Variants in SART3 observed in about 807,000 individuals in gnomAD.
The protein encoded by SART3 is HIV-1 Tat-interacting protein of 110kDa.
A neutral mutation model predicts 122.3 loss-of-function variants in SART3; 44 were observed. That is an observed-to-expected ratio of 0.36 (90% confidence interval 0.28 to 0.46). The LOEUF (loss-of-function observed/expected upper bound fraction) is 0.46, where lower values mean the gene tolerates loss of function less well. Ranked by LOEUF, SART3 falls within the 20% of genes least tolerant of loss-of-function variation. SART3 has a pLI of 1.00. For synonymous variants in SART3, 442 were observed against 454.0 expected, an observed-to-expected ratio of 0.97 and a Z score of 0.34; for missense variants, 1,101 against 1,229.0, an observed-to-expected ratio of 0.90 and a Z score of 1.56.
Position 108,560,914 on chromosome 12 carries a change from C to G in SART3, c.241G>C (p.Gly81Arg). 2 of 1,613,866 alleles carry G rather than the reference C, an allele frequency of 1.2e-6. No homozygotes were observed. The highest frequency in any genetic ancestry group is 2.2e-5 in the East Asian group (1 of 44,858). The change falls in exon 1 of 19, where the codon GGG becomes CGG. Residue 81 changes from glycine to arginine, a missense_variant. Gly to Arg is a moderately radical substitution (Grantham distance 125). Around this residue, in one of 2 missense-constraint regions of SART3, gnomAD observed 216 missense variants for 148.9 expected, o/e 1.45. Transcript: ENST00000546815. ...TCGTCATATTCCCACTCGTACTCCC[C>G]GGGGGAGCTCTCCGCGGAGGAAGCC... Reference protein sequence around the residue: ...AMASSAESSPGEYEWEYDEEE... With the variant: ...AMASSAESSPREYEWEYDEEE...
At chr12:108,530,383 G>C in intron 14 of SART3, 73 bp from the exon 15 acceptor site, 1 of 1,538,296 alleles carries the variant, frequency 6.5e-7, no homozygotes, top group South Asian at 1.1e-5. Context: ...TCATGAAAGG[G>C]GAGAAGGAGT....
At chr12:108,549,028 T>C in intron 2 of SART3, 60 bp downstream of exon 2, 1 of 1,612,762 alleles carries the variant, frequency 6.2e-7, no homozygotes, top group African/African-American at 1.3e-5. Context: ...CTTTCAACAT[T>C]GTAAAAAATG....
intron 2 of SART3, among the ~76,000 whole-genome samples, chr12:108,548,624 C>T (rs533442387): frequency 2.0e-5 from 3 of 152,300 alleles, no homozygotes; most frequent in African/African-American, 7.2e-5. Context: ...GAAGATTGAA[C>T]TACAGAGTTG....
intron 4 of SART3, chr12:108,544,859 T>C (rs1873330345): frequency 1.7e-6 from 1 of 575,890 alleles, no homozygotes; most frequent in Non-Finnish European, 3.1e-6. Context: ...GCCACCGCAC[T>C]TGGCCAACTC....
At chr12:108,560,239 A>AT (rs1194494369) in intron 1 of SART3, 1 of 153,200 alleles carries the variant, frequency 6.5e-6, no homozygotes, top group Non-Finnish European at 1.5e-5. Flanking sequence ...CAATTATATT[A>AT]TGCAGAAATT....
intron 18 of SART3, 159 bp from the exon 19 acceptor site, chr12:108,523,793 A>G: frequency 1.4e-6 from 1 of 732,600 alleles, no homozygotes; most frequent in African/African-American, 1.8e-5. Flanking sequence ...CTGTTTATGA[A>G]GTAAAAACTG....
rs1436119169 is a variant in SART3, at chr12:108,523,166, T to C, written c.*291A>G. On this transcript the variant is annotated 3_prime_UTR_variant, in exon 19 of 19. Transcript: ENST00000546815. ...CAACTGTGTCTCAAAAACAGTGTGT[T>C]CTCGTTTCGCTTCTGTGCCTCAGTC... The C allele has an allele frequency of 1.9e-6, 1 of 514,562 alleles. No individual in the cohort carries two copies. The highest frequency in any genetic ancestry group is 3.5e-5 in the East Asian group (1 of 28,802). The allele number at this position is 514,562 out of a possible 1,614,324, so 31.9% of individuals were successfully genotyped here.
chr12:108,551,309 T>C (rs2029999015), intron 1 of SART3, among the ~76,000 whole-genome samples: 1 of 152,186 alleles, frequency 6.6e-6, no homozygotes. Context: ...ATCCTAAATG[T>C]GTAGGAACCA....
intron 16 of SART3, 179 bp from the exon 17 acceptor site, chr12:108,525,788 C>T (rs1872345596): frequency 1.5e-6 from 1 of 672,464 alleles, no homozygotes; most frequent in African/African-American, 1.8e-5. Context: ...CTCCAGGCCT[C>T]CATGTCTTCC....
Position 108,523,120 on chromosome 12 carries a change from A to C in SART3, c.*337T>G. The stretch of plus-strand genomic sequence containing the variant: ...GAAGTGTCATACAAAAAGGGGCCGG[A>C]GCTGGCCAGAAACATTTGGACAACT... On this transcript the variant is annotated 3_prime_UTR_variant, in exon 19 of 19. Transcript: ENST00000546815. The C allele has an allele frequency of 2.5e-6, 1 of 402,418 alleles. No individual in the cohort carries two copies. The highest frequency in any genetic ancestry group is 2.5e-5 in the South Asian group (1 of 40,060). The allele number at this position is 402,418 out of a possible 1,614,324, so 24.9% of individuals were successfully genotyped here. A position where few individuals can be genotyped will look rare whatever the true frequency, so the allele number is the denominator to read the frequency against.
intron 15 of SART3, among the ~76,000 whole-genome samples, chr12:108,529,566 T>G (rs1872553230): frequency 6.6e-6 from 1 of 152,140 alleles, no homozygotes; most frequent in African/African-American, 2.4e-5. Context: ...TAGCCAAACC[T>G]GGGATAAGTA....
intron 1 of SART3, among the ~76,000 whole-genome samples, chr12:108,559,080 T>C (rs1191718443): frequency 6.9e-6 from 1 of 144,640 alleles, no homozygotes; most frequent in African/African-American, 2.6e-5. Context: ...GCTAACCACC[T>C]GCCAACCCCA....
chr12:108,557,552 C>A (rs1249683830), intron 1 of SART3, among the ~76,000 whole-genome samples: 2 of 152,154 alleles, frequency 1.3e-5, no homozygotes, highest in Non-Finnish European at 1.5e-5. Flanking sequence ...CTATTATGCG[C>A]CAAACTGTGC....
chr12:108,540,737 A>G (rs969705547), intron 6 of SART3, among the ~76,000 whole-genome samples: 3 of 152,256 alleles, frequency 2.0e-5, no homozygotes, highest in African/African-American at 7.2e-5. Context: ...TCATCATTAC[A>G]ACAGTGTAAC....
At chr12:108,534,397 C>T (rs569374931) in intron 12 of SART3, among the ~76,000 whole-genome samples, 68 of 151,710 alleles carry the variant, frequency 4.5e-4, no homozygotes, top group African/African-American at 1.1e-3. Flanking sequence ...GAAACTGTCA[C>T]GTTTAGCCGG....
At position 108,530,296 on chromosome 12, in the gene SART3, T is replaced by C. The variant is rs762654289; in HGVS notation, c.1761A>G (p.Glu587=). Reference sequence around the variant, plus strand: ...CTTCTTCTTGCTGCACAAGGGCTGCTTCCTTCTCTGCAGCCTAGAAAAGTG... The same window carrying C: ...CTTCTTCTTGCTGCACAAGGGCTGCCTCCTTCTCTGCAGCCTAGAAAAGTG... ...NEQRMKAAEK[E]AALVQQEEEK... The change falls in exon 15 of 19, where the codon GAA becomes GAG. Residue 587 remains glutamate, a synonymous_variant. Transcript: ENST00000546815. 11 of 1,614,142 alleles carry C rather than the reference T, an allele frequency of 6.8e-6. No homozygotes were observed. Among genetic ancestry groups the C allele is most frequent in the Admixed American group, 5.0e-5 (3 of 60,022 alleles).
intron 17 of SART3, chr12:108,524,845 G>C (rs1872297775): frequency 1.0e-5 from 4 of 387,616 alleles, no homozygotes; most frequent in South Asian, 9.7e-5. Context: ...ATGGGACACA[G>C]GGCCAGCAGC....
chr12:108,546,672 G>A (rs1320790544), intron 3 of SART3, among the ~76,000 whole-genome samples: 2 of 151,802 alleles, frequency 1.3e-5, no homozygotes, highest in African/African-American at 4.8e-5. Flanking sequence ...AGGCCTGCAT[G>A]CCACCCCGCC....
rs1055528093 is a variant in SART3, at chr12:108,525,317, G to T, written c.2523+140C>A. Reference sequence around the variant, plus strand: ...CCAAATATAAGTAGAGCTAAGTGCAGATCTTTCTGTGAAATTAACTTTTGT... The same window carrying T: ...CCAAATATAAGTAGAGCTAAGTGCATATCTTTCTGTGAAATTAACTTTTGT... On this transcript the variant is annotated intron_variant, in intron 17 of 18. Transcript: ENST00000546815. 6 of 848,006 alleles carry T rather than the reference G, an allele frequency of 7.1e-6. No homozygotes were observed. In the Admixed American group the frequency reaches 1.2e-4, roughly 17 times the overall value. The allele number at this position is 848,006 out of a possible 1,614,324, so 52.5% of individuals were successfully genotyped here.
Sources: gnomAD v4.1 joint callset for allele counts (sites outside exome capture counted in the v4.1 genomes callset) on GRCh38, gnomAD v4.1.1 for gene constraint, gnomAD v4.1.1 regional missense constraint, MANE v1.5 for transcripts, NCBI Gene and HGNC (gene_info 2026-07-23, HGNC 2026-07-21) for gene names.